Variants in ZNF804A observed in about 807,000 individuals in gnomAD.
The protein encoded by ZNF804A is zinc finger protein 804A.
ZNF804A carries 2 observed loss-of-function variants against 16.5 expected under a neutral mutation model. The observed-to-expected ratio is 0.12, with a 90% CI of 0.05 to 0.38. The LOEUF is 0.38. Among genes scored for constraint, ZNF804A ranks in the 10% least tolerant of loss-of-function variants. ZNF804A has a pLI of 0.99. For missense variants in ZNF804A, 1,473 were observed against 1,390.7 expected (o/e 1.06, Z -0.94); for synonymous variants, 534 against 489.6 (o/e 1.09, Z -1.20).
At chr2:184,663,907 G>A (rs1375457750) in intron 1 of ZNF804A, among the ~76,000 whole-genome samples, 1 of 152,140 alleles carries the variant, frequency 6.6e-6, no homozygotes, top group African/African-American at 2.4e-5. Context: ...AAAAAGCAGA[G>A]CAAATGATTA....
chr2:184,903,427 C>T (rs1378649569), intron 2 of ZNF804A, among the ~76,000 whole-genome samples: 2 of 152,084 alleles, frequency 1.3e-5, no homozygotes, highest in African/African-American at 2.4e-5. Context: ...CAGTAACATA[C>T]TATATAGGCT....
intron 1 of ZNF804A, among the ~76,000 whole-genome samples, chr2:184,701,070 C>T (rs1692911677): frequency 6.6e-6 from 1 of 151,798 alleles, no homozygotes; most frequent in Admixed American, 6.6e-5. Flanking sequence ...CATTGAACCT[C>T]ATAAATATGT....
chr2:184,717,383 G>T (rs1007506233), intron 1 of ZNF804A, among the ~76,000 whole-genome samples: 1 of 151,986 alleles, frequency 6.6e-6, no homozygotes, highest in Admixed American at 6.6e-5. Flanking sequence ...CAGTAACTCT[G>T]TCCTGCTGTT....
chr2:184,825,089 C>T (rs971636063), intron 1 of ZNF804A, among the ~76,000 whole-genome samples: 1 of 152,062 alleles, frequency 6.6e-6, no homozygotes, highest in South Asian at 2.1e-4. Context: ...AGTCTGTCTC[C>T]AATTCTATTT....
At chr2:184,918,017 T>G (rs1574270201) in intron 2 of ZNF804A, among the ~76,000 whole-genome samples, 1 of 152,268 alleles carries the variant, frequency 6.6e-6, no homozygotes, top group East Asian at 1.9e-4. Context: ...TTGAGGGTCT[T>G]GTCCATTATT....
chr2:184,640,532 G>A (rs1574142860), intron 1 of ZNF804A, among the ~76,000 whole-genome samples: 1 of 151,654 alleles, frequency 6.6e-6, no homozygotes, highest in Admixed American at 6.6e-5. Flanking sequence ...ACAAACACCA[G>A]ACAAAAAACA....
chr2:184,731,517 T>G (rs1046939753), intron 1 of ZNF804A, among the ~76,000 whole-genome samples: 1 of 151,630 alleles, frequency 6.6e-6, no homozygotes, highest in African/African-American at 2.4e-5. Flanking sequence ...TGCTCATTTT[T>G]CATTTGCATA....
In ZNF804A at chr2:184,936,675, C is replaced by G; in HGVS notation, c.1279C>G (p.Pro427Ala). The G allele has an allele frequency of 6.2e-7, 1 of 1,613,900 alleles. No individual in the cohort carries two copies. Among genetic ancestry groups the G allele is most frequent in the Non-Finnish European group, 8.5e-7 (1 of 1,179,880 alleles). The stretch of plus-strand genomic sequence containing the variant: ...CAAAAGACAATGTGAGCCATTTGTA[C>G]CTGTCCTTAACAAACACAGATCTAC... ...FCKRQCEPFV[P>A]VLNKHRSTVL... The change falls in exon 4 of 4, where the codon CCT becomes GCT. Residue 427 changes from proline to alanine, a missense_variant. Pro to Ala is a conservative substitution (Grantham distance 27). Transcript: ENST00000302277.
chr2:184,679,394 T>C (rs982474951), intron 1 of ZNF804A, among the ~76,000 whole-genome samples: 1 of 152,176 alleles, frequency 6.6e-6, no homozygotes, highest in African/African-American at 2.4e-5. Context: ...GGATGCATGC[T>C]CCATGGAGCT....
At chr2:184,894,966 A>G (rs1685043396) in intron 2 of ZNF804A, among the ~76,000 whole-genome samples, 1 of 152,288 alleles carries the variant, frequency 6.6e-6, no homozygotes, top group East Asian at 1.9e-4. Context: ...TTCTTAAGAT[A>G]TACGTAAAAA....
chr2:184,937,054 G>A lies in ZNF804A; in HGVS notation c.1658G>A (p.Cys553Tyr), dbSNP rs1413483927. Reference sequence around the variant, plus strand: ...GGTCAGAGGTATAAAAACATTTCCTGTAAGATCAGAGAAACAGAAAAGTAT... The same window carrying A: ...GGTCAGAGGTATAAAAACATTTCCTATAAGATCAGAGAAACAGAAAAGTAT... ...NTGQRYKNISCKIRETEKYNF... is the reference protein window; with the variant it reads ...NTGQRYKNISYKIRETEKYNF... The change falls in exon 4 of 4, where the codon TGT (cysteine) becomes TAT (tyrosine). Residue 553 changes from cysteine (C) to tyrosine (Y), a missense_variant. Physicochemically the swap from Cys to Tyr is radical, Grantham distance 194. Transcript: ENST00000302277. 2 of 1,606,656 alleles carry A rather than the reference G, an allele frequency of 1.2e-6. No homozygotes were observed. The highest frequency in any genetic ancestry group is 2.7e-5 in the African/African-American group (2 of 74,238).
intron 1 of ZNF804A, among the ~76,000 whole-genome samples, chr2:184,744,750 G>A (rs115521688): frequency 0.021 from 3,168 of 152,010 alleles, 62 homozygotes; most frequent in Middle Eastern, 0.034. Flanking sequence ...TAGTTTACAA[G>A]TGTGTATACA....
chr2:184,621,363 A>T (rs1030513490), intron 1 of ZNF804A, among the ~76,000 whole-genome samples: 8 of 151,696 alleles, frequency 5.3e-5, no homozygotes, highest in African/African-American at 1.9e-4. Flanking sequence ...ATTAATAATT[A>T]TGTATGTGCA....
intron 1 of ZNF804A, among the ~76,000 whole-genome samples, chr2:184,863,134 T>C (rs72905797): frequency 0.05 from 7,678 of 152,248 alleles, 255 homozygotes; most frequent in Middle Eastern, 0.078. Context: ...AGTGGATACA[T>C]AGGGATTATT....
intron 2 of ZNF804A, among the ~76,000 whole-genome samples, chr2:184,869,602 G>A (rs567032120): frequency 9.2e-5 from 14 of 151,868 alleles, no homozygotes; most frequent in Non-Finnish European, 1.3e-4. Flanking sequence ...TATTTAATAC[G>A]TTCTTATTAT....
At chr2:184,634,747 G>C (rs764226934) in intron 1 of ZNF804A, among the ~76,000 whole-genome samples, 7 of 152,130 alleles carry the variant, frequency 4.6e-5, no homozygotes, top group Non-Finnish European at 8.8e-5. Flanking sequence ...AATAAAACCT[G>C]TTTCCAACCT....
In ZNF804A at chr2:184,620,505, C is replaced by T. The variant is rs368332699; in HGVS notation, c.111+21435C>T. ...TATGCCTCATTAAAAATTGGCAAAA[C>T]GAACTCATCTATTTATTCATCAGAT... On this transcript the variant is annotated intron_variant, in intron 1 of 3. Transcript: ENST00000302277. Among the ~76,000 whole-genome samples, 26 of 151,804 alleles carry T rather than the reference C, an allele frequency of 1.7e-4. No homozygotes were observed. The East Asian group carries it at 3.3e-3, about 19-fold the overall frequency.
At chr2:184,923,796 A>G (rs190176962) in intron 2 of ZNF804A, among the ~76,000 whole-genome samples, 2 of 152,074 alleles carry the variant, frequency 1.3e-5, no homozygotes, top group East Asian at 3.9e-4. Context: ...TTTCAGCATC[A>G]TTTGAAACAA....
intron 1 of ZNF804A, among the ~76,000 whole-genome samples, chr2:184,638,653 G>A (rs1196026630): frequency 1.3e-5 from 2 of 152,022 alleles, no homozygotes; most frequent in Non-Finnish European, 2.9e-5. Flanking sequence ...ACCTTAAGTG[G>A]CTTTCTATTA....
Sources: allele counts gnomAD v4.1 joint callset (sites outside exome capture counted in the v4.1 genomes callset), GRCh38; gene constraint gnomAD v4.1.1; transcripts MANE v1.5; gene names NCBI Gene and HGNC (gene_info 2026-07-23, HGNC 2026-07-21).